GRIK5: variants seen among roughly 807,000 people sequenced by gnomAD.
The protein encoded by GRIK5 is glutamate ionotropic receptor kainate type subunit 5.
Under a neutral mutation model 97.4 loss-of-function variants are expected in GRIK5, and 43 were observed. That is an observed-to-expected ratio of 0.44 (90% CI 0.35 to 0.57). The LOEUF (loss-of-function observed/expected upper bound fraction) is 0.57. Ranked by LOEUF, GRIK5 falls within the 20% of genes least tolerant of loss-of-function variation. GRIK5 has a pLI of 0.01. For missense variants in GRIK5, 1,015 were observed against 1,382.0 expected (o/e 0.73, Z 4.21); for synonymous variants, 580 against 583.5 (o/e 0.99, Z 0.09).
chr19:42,049,167 G>A (rs2076081011), intron 11 of GRIK5, among the ~76,000 whole-genome samples: 1 of 152,164 alleles, frequency 6.6e-6, no homozygotes, highest in Non-Finnish European at 1.5e-5. Flanking sequence ...ACTCACCACT[G>A]ACAAACCGAG....
chr19:42,069,671 G>A lies in GRIK5; in HGVS notation c.-481C>T, dbSNP rs1451011611. On this transcript the variant is annotated 5_prime_UTR_variant, in exon 1 of 20. Transcript: ENST00000593562. ...CCGGCCTGGGGGGGCCACAGGGGGC[G>A]AGGACTGGGTGGAGAAAAGGAAGCC... 1.3e-5 allele frequency among the ~76,000 whole-genome samples: 2 copies of A among 150,556 alleles called. No homozygotes were observed. Among genetic ancestry groups the A allele is most frequent in the East Asian group, 2.0e-4 (1 of 5,008 alleles).
intron 8 of GRIK5, 132 bp downstream of exon 8, chr19:42,056,530 C>T (rs896372004): frequency 3.6e-5 from 26 of 716,574 alleles, no homozygotes; most frequent in Admixed American, 2.5e-4. Context: ...TCCAATGCAT[C>T]ACAAGGCCAC....
Position 41,999,258 on chromosome 19 carries a change from G to A in GRIK5, c.2556C>T (p.Ala852=), listed in dbSNP as rs908984046. The A allele has an allele frequency of 6.6e-7, 1 of 1,524,590 alleles. No homozygotes were observed. Among genetic ancestry groups the A allele is most frequent in the East Asian group, 2.6e-5 (1 of 38,998 alleles). The allele number at this position is 1,524,590 out of a possible 1,614,324, so 94.4% of individuals were successfully genotyped here. Residue 852 remains alanine (A), a synonymous_variant, in exon 20 of 20, where the codon GCC becomes GCT. Coordinates refer to ENST00000593562, the MANE Select transcript of GRIK5 (RefSeq NM_002088.5). This position sits in a 1 kb window ranked among gnomAD's most constrained non-coding sequence, Gnocchi z 5.0. The part of the protein sequence containing the change: ...CQEMLQELRH[A]VSCRKTSRSR... ...AACGCGACGTCTTGCGGCAAGAAAC[G>A]GCGTGGCGCAGCTCCTGCAGCATCT...
At chr19:42,063,513 C>T (rs1052082228) in intron 3 of GRIK5, 1 of 367,206 alleles carries the variant, frequency 2.7e-6, no homozygotes, top group African/African-American at 2.1e-5. Context: ...CTCCATTCTT[C>T]TAGCCATGGC....
chr19:42,016,937 T>G (rs2075631785), intron 15 of GRIK5, among the ~76,000 whole-genome samples: 1 of 138,232 alleles, frequency 7.2e-6, no homozygotes, highest in African/African-American at 2.6e-5. Flanking sequence ...AAAACCCAAG[T>G]TTTTTTTTTT....
Position 42,062,864 on chromosome 19 carries a change from G to A in GRIK5, c.245-9C>T, listed in dbSNP as rs1172902429. 1 of 1,604,294 alleles carries A rather than the reference G, an allele frequency of 6.2e-7. No individual in the cohort carries two copies. Among genetic ancestry groups the A allele is most frequent in the Non-Finnish European group, 8.5e-7 (1 of 1,171,154 alleles). ...GGGTAAGATCTGACACACTGCGTGGGAAGGGGAAGAGACCGCAGAGTCAGG... is the reference window on the plus strand; with the variant it reads ...GGGTAAGATCTGACACACTGCGTGGAAAGGGGAAGAGACCGCAGAGTCAGG... On this transcript the variant is annotated splice_polypyrimidine_tract_variant and intron_variant, in intron 3 of 19. Transcript: ENST00000593562. The surrounding 1 kb of genome is among the most constrained non-coding windows in gnomAD (Gnocchi z 5.3).
intron 12 of GRIK5, among the ~76,000 whole-genome samples, chr19:42,032,430 C>A (rs2075851046): frequency 2.0e-5 from 3 of 152,182 alleles, no homozygotes; most frequent in Non-Finnish European, 4.4e-5. Flanking sequence ...TGGCAGTATA[C>A]ACTTAGAAAA....
At position 42,021,778 on chromosome 19, in the gene GRIK5, G is replaced by A. The variant is rs1423313922; in HGVS notation, c.1697+169C>T. Reference sequence around the variant, plus strand: ...AGCACAGTCAGAGCCACAAGGGGAAGAATGAGACTCAGACACAGGGCACAA... The same window carrying A: ...AGCACAGTCAGAGCCACAAGGGGAAAAATGAGACTCAGACACAGGGCACAA... On this transcript the variant is annotated intron_variant, in intron 14 of 19. Coordinates refer to ENST00000593562, the MANE Select transcript of GRIK5 (RefSeq NM_002088.5). This position sits in a 1 kb window ranked among gnomAD's most constrained non-coding sequence, Gnocchi z 4.2. Among the ~76,000 whole-genome samples, 1 of 152,166 alleles carries A rather than the reference G, an allele frequency of 6.6e-6. No homozygotes were observed. Among genetic ancestry groups the A allele is most frequent in the African/African-American group, 2.4e-5 (1 of 41,430 alleles).
At chr19:42,020,136 C>G (rs2075679737) in intron 15 of GRIK5, among the ~76,000 whole-genome samples, 1 of 152,048 alleles carries the variant, frequency 6.6e-6, no homozygotes, top group Non-Finnish European at 1.5e-5. Flanking sequence ...CATCCAAAAC[C>G]ATTTAAAAAA....
intron 12 of GRIK5, among the ~76,000 whole-genome samples, chr19:42,034,627 G>A (rs1482357561): frequency 6.6e-6 from 1 of 152,128 alleles, no homozygotes; most frequent in African/African-American, 2.4e-5. Flanking sequence ...TGGGGATGCA[G>A]AAGTAAGGAA....
chr19:42,059,421 C>T lies in GRIK5; in HGVS notation c.615G>A (p.Glu205=), dbSNP rs2076230305. Reference sequence around the variant, plus strand: ...TGGTGGACACCTTGTCATCACGGATCTCCTTGAGCAGTGGTGTGGGGTCCC... The same window carrying T: ...TGGTGGACACCTTGTCATCACGGATTTCCTTGAGCAGTGGTGTGGGGTCCC... ...DSRDPTPLLK[E]IRDDKVSTII... Residue 205 remains glutamate, a synonymous_variant, in exon 6 of 20, where the codon GAG becomes GAA. Coordinates refer to ENST00000593562, the MANE Select transcript of GRIK5 (RefSeq NM_002088.5). 6.2e-7 allele frequency: 1 copy of T among 1,613,798 alleles called. No individual in the cohort carries two copies. Among genetic ancestry groups the T allele is most frequent in the South Asian group, 1.1e-5 (1 of 91,072 alleles).
At chr19:42,018,787 G>A (rs2146043089) in intron 15 of GRIK5, among the ~76,000 whole-genome samples, 1 of 151,814 alleles carries the variant, frequency 6.6e-6, no homozygotes, top group African/African-American at 2.4e-5. Context: ...GCCCTGGAGA[G>A]GAGGGGCCCA....
rs1485056697 is a variant in GRIK5 at position 42,006,451 on chromosome 19, C to A, written c.2037+194G>T. 6.6e-6 allele frequency among the ~76,000 whole-genome samples: 1 copy of A among 152,180 alleles called. No individual in the cohort carries two copies. Among genetic ancestry groups the A allele is most frequent in the Non-Finnish European group, 1.5e-5 (1 of 68,036 alleles). Reference sequence around the variant, plus strand: ...ATTTGATACCACATATGCCTCCCTGCCCTCATTCCCCAGTTCCCTAGCCAG... The same window carrying A: ...ATTTGATACCACATATGCCTCCCTGACCTCATTCCCCAGTTCCCTAGCCAG... On this transcript the variant is annotated intron_variant, in intron 16 of 19. Coordinates refer to ENST00000593562, the MANE Select transcript of GRIK5 (RefSeq NM_002088.5). The surrounding 1 kb of genome is among the most constrained non-coding windows in gnomAD (Gnocchi z 5.3).
chr19:42,062,636 C>G lies in GRIK5; in HGVS notation c.360G>C (p.Val120=). The G allele has an allele frequency of 6.2e-7, 1 of 1,614,132 alleles. No homozygotes were observed. Among genetic ancestry groups the G allele is most frequent in the Non-Finnish European group, 8.5e-7 (1 of 1,180,008 alleles). Residue 120 remains valine (V), a synonymous_variant, in exon 5 of 20, where the codon GTG becomes GTC. Transcript: ENST00000593562. The surrounding 1 kb of genome is among the most constrained non-coding windows in gnomAD (Gnocchi z 5.3). ...GAAGGCGGGGTGTCTCCTCGGGACC[C>G]ACCTTGATGTGGGGGATCTGGACAG... ...CGEKEIPHIK[V]GPEETPRLQY...
intron 15 of GRIK5, among the ~76,000 whole-genome samples, chr19:42,013,519 C>G (rs2075590015): frequency 6.7e-6 from 1 of 149,914 alleles, no homozygotes; most frequent in Non-Finnish European, 1.5e-5. Context: ...GCGCCATTCT[C>G]CTGCCTCAGC....
At chr19:42,000,393 G>A (rs2075414535) in intron 19 of GRIK5, among the ~76,000 whole-genome samples, 1 of 152,208 alleles carries the variant, frequency 6.6e-6, no homozygotes, top group African/African-American at 2.4e-5. Context: ...TTCTGAAGGT[G>A]GAGCCAATAG....
chr19:42,054,033 C>G (rs1215642864), intron 9 of GRIK5, 104 bp from the exon 10 acceptor site: 5 of 771,840 alleles, frequency 6.5e-6, no homozygotes, highest in Non-Finnish European at 1.1e-5. Context: ...CACAGACAGA[C>G]CGGGGTGGAG....
chr19:42,016,784 G>A (rs1227817074), intron 15 of GRIK5, among the ~76,000 whole-genome samples: 2 of 152,204 alleles, frequency 1.3e-5, no homozygotes, highest in African/African-American at 4.8e-5. Flanking sequence ...GTGGTCTCTG[G>A]CAGGGAGGGC....
At position 42,057,507 on chromosome 19, in the gene GRIK5, A is replaced by C. The variant is rs181030716; in HGVS notation, c.688-529T>G. ...CCACCTCAGCTCCTGAGTACCTGGA[A>C]TCATAGGCATGTACCACAATGCCCA... is the stretch of plus-strand genomic sequence containing the variant. On this transcript the variant is annotated intron_variant, in intron 6 of 19. Coordinates refer to ENST00000593562, the MANE Select transcript of GRIK5 (RefSeq NM_002088.5). 1.3e-4 allele frequency among the ~76,000 whole-genome samples: 20 copies of C among 152,214 alleles called. No homozygotes were observed. The East Asian group carries it at 2.3e-3, about 18-fold the overall frequency.
Sources: allele counts gnomAD v4.1 joint callset (sites outside exome capture counted in the v4.1 genomes callset), GRCh38; gene constraint gnomAD v4.1.1; non-coding constraint Gnocchi (gnomAD v3.1); transcripts MANE v1.5; gene names NCBI Gene and HGNC (gene_info 2026-07-23, HGNC 2026-07-21).